The following ATP13A3 variants were observed in gnomAD, a reference collection of about 807,000 sequenced individuals.
ATP13A3 encodes the protein ATPase 13A3.
A neutral mutation model predicts 158.1 loss-of-function variants in ATP13A3; 59 were observed. The ratio of observed to expected loss-of-function variants is 0.37; its 90% CI spans 0.30 to 0.46. The LOEUF (loss-of-function observed/expected upper bound fraction) is 0.46, where lower values mean the gene tolerates loss of function less well. Among genes scored for constraint, ATP13A3 ranks in the 20% least tolerant of loss-of-function variants. The pLI, the probability that ATP13A3 is intolerant of heterozygous loss-of-function variation, is 1.00. For synonymous variants in ATP13A3, 491 were observed against 504.3 expected (o/e 0.97, Z 0.35); for missense variants, 1,166 against 1,525.2 (o/e 0.76, Z 3.92).
At chr3:194,472,360 ACTT>A (rs1720344118) in intron 2 of ATP13A3, among the ~76,000 whole-genome samples, 2 of 152,330 alleles carry the variant, frequency 1.3e-5, no homozygotes, top group Admixed American at 6.5e-5. Flanking sequence ...GCTGGTCTCA[ACTT>A]CTTCTCCACT....
chr3:194,429,436 T>C (rs1008589355), intron 27 of ATP13A3, among the ~76,000 whole-genome samples: 11 of 152,192 alleles, frequency 7.2e-5, no homozygotes, highest in African/African-American at 2.7e-4. Flanking sequence ...GCCATCGCTG[T>C]TTATACTTTT....
upstream of ATP13A3, chr3:194,487,378 A>G (rs1232249451): frequency 6.6e-6 from 1 of 152,378 alleles, no homozygotes; most frequent in Non-Finnish European, 1.5e-5. Flanking sequence ...AGTCATGGTC[A>G]TGGAGGAAGC....
chr3:194,474,460 G>A (rs60310393), intron 2 of ATP13A3, among the ~76,000 whole-genome samples: 1 of 152,210 alleles, frequency 6.6e-6, no homozygotes, highest in South Asian at 2.1e-4. Flanking sequence ...AAAAGAAATC[G>A]TGTGGCATGG....
chr3:194,476,768 T>TTTTG (rs1028380884), intron 2 of ATP13A3, among the ~76,000 whole-genome samples: 7 of 143,854 alleles, frequency 4.9e-5, no homozygotes, highest in African/African-American at 2.0e-4. Context: ...AAGTTGTTGT[T>TTTTG]TTTTTTTTTT....
chr3:194,410,296 CAAAAAAAAAAAAAAAAA>C (rs772008929), intron 33 of ATP13A3, among the ~76,000 whole-genome samples: 723 of 21,838 alleles, frequency 0.033, 19 homozygotes, highest in African/African-American at 0.13. Context: ...CTCCTCTCTG[CAAAAAAAAAAAAAAAAA>C]AAAAAAAAAA....
At chr3:194,477,656 A>T (rs1022607150) in intron 2 of ATP13A3, among the ~76,000 whole-genome samples, 5 of 152,242 alleles carry the variant, frequency 3.3e-5, no homozygotes, top group Non-Finnish European at 5.9e-5. Flanking sequence ...TTAACCTAAG[A>T]TGAATCACTA....
chr3:194,426,730 G>A (rs1356254251), intron 29 of ATP13A3, among the ~76,000 whole-genome samples: 1 of 152,080 alleles, frequency 6.6e-6, no homozygotes, highest in Non-Finnish European at 1.5e-5. Context: ...ACAATCTCTT[G>A]GCTCACTGCA....
At chr3:194,475,142 AG>A (rs1264477816) in intron 2 of ATP13A3, among the ~76,000 whole-genome samples, 1 of 152,236 alleles carries the variant, frequency 6.6e-6, no homozygotes, top group Non-Finnish European at 1.5e-5. Context: ...AATTTTCCAG[AG>A]GTTATACCTC....
intron 33 of ATP13A3, among the ~76,000 whole-genome samples, chr3:194,410,833 A>G (rs898801429): frequency 9.9e-5 from 15 of 150,946 alleles, no homozygotes; most frequent in African/African-American, 3.4e-4. Context: ...GGAATACAAT[A>G]CGAATATTTC....
Position 194,406,052 on chromosome 3 carries a change from G to A in ATP13A3, c.3638C>T (p.Pro1213Leu). The A allele has an allele frequency of 1.2e-6, 2 of 1,614,170 alleles. No homozygotes were observed. The highest frequency in any genetic ancestry group is 1.7e-6 in the Non-Finnish European group (2 of 1,180,046). ...CGCCAGATACATGTACTTTGCCTTT[G>A]GTGTCTTCTTTCTACAGCCCAGGGC... ...PWALGCRKKTPKAKYMYLAQE... is the reference protein window; with the variant it reads ...PWALGCRKKTLKAKYMYLAQE... The change falls in exon 34 of 34, where the codon CCA (proline) becomes CTA (leucine). Residue 1213 changes from proline (P) to leucine (L), a missense_variant. Around this residue, in one of 3 missense-constraint regions of ATP13A3, gnomAD observed 997 missense variants for 1,341.2 expected, o/e 0.74. Coordinates refer to ENST00000645319, the MANE Select transcript of ATP13A3 (RefSeq NM_001367549.1).
At position 194,479,958 on chromosome 3, in the gene ATP13A3, C is replaced by A. The variant is rs1720683929; in HGVS notation, c.-47+5836G>T. ...ACATCTTGAGCTTTTGAGGATGTTGCTACTAAAGATACAAAATCATAGATT... is the reference window on the plus strand; with the variant it reads ...ACATCTTGAGCTTTTGAGGATGTTGATACTAAAGATACAAAATCATAGATT... On this transcript the variant is annotated intron_variant, in intron 2 of 33. Coordinates refer to ENST00000645319, the MANE Select transcript of ATP13A3 (RefSeq NM_001367549.1). Among the ~76,000 whole-genome samples the A allele has an allele frequency of 2.0e-5, 3 of 152,032 alleles. No homozygotes were observed. In the South Asian group the frequency reaches 6.2e-4, roughly 32 times the overall value.
chr3:194,425,873 G>A (rs1716732877), intron 29 of ATP13A3, among the ~76,000 whole-genome samples: 2 of 152,148 alleles, frequency 1.3e-5, no homozygotes, highest in Non-Finnish European at 2.9e-5. Flanking sequence ...TGCTAACTGA[G>A]GAAATATTAT....
intron 20 of ATP13A3, among the ~76,000 whole-genome samples, chr3:194,434,754 A>G (rs1363530774): frequency 2.6e-5 from 4 of 152,092 alleles, no homozygotes; most frequent in Non-Finnish European, 5.9e-5. Context: ...CCGTCTCTAC[A>G]AAAAATGAAA....
At chr3:194,437,601 T>C (rs775409678) in intron 17 of ATP13A3, 28 bp from the exon 18 acceptor site, 2 of 1,577,420 alleles carry the variant, frequency 1.3e-6, no homozygotes, top group African/African-American at 2.7e-5. Flanking sequence ...CAAGAAAAAA[T>C]AGTACAGATT....
At chr3:194,433,379 G>GGT (rs1223372458) in intron 21 of ATP13A3, among the ~76,000 whole-genome samples, 10 of 151,920 alleles carry the variant, frequency 6.6e-5, no homozygotes, top group African/African-American at 2.2e-4. Context: ...GAGTAGCTGG[G>GGT]ACTACAGGCA....
chr3:194,417,308 G>A (rs750441137), intron 31 of ATP13A3, among the ~76,000 whole-genome samples: 13 of 151,650 alleles, frequency 8.6e-5, no homozygotes, highest in African/African-American at 2.2e-4. Flanking sequence ...CCAGCTACTC[G>A]TGAGGCCGAG....
At chr3:194,480,440 A>T (rs960864810) in intron 2 of ATP13A3, among the ~76,000 whole-genome samples, 4 of 152,190 alleles carry the variant, frequency 2.6e-5, no homozygotes, top group Non-Finnish European at 5.9e-5. Context: ...AATTTCATGG[A>T]ATCCATTAAT....
rs1369667674 is a variant in ATP13A3 at position 194,448,129 on chromosome 3, G to A, written c.1151-120C>T. Reference sequence around the variant, plus strand: ...GTCTCGCTCTGTCACCCAGGCTGGAGTACAGTGGTGTGATCTCGACTCACT... The same window carrying A: ...GTCTCGCTCTGTCACCCAGGCTGGAATACAGTGGTGTGATCTCGACTCACT... On this transcript the variant is annotated intron_variant, in intron 12 of 33. Transcript: ENST00000645319. The surrounding 1 kb of genome is among the most constrained non-coding windows in gnomAD (Gnocchi z 4.0). The A allele has an allele frequency of 7.1e-6, 7 of 979,936 alleles. No homozygotes were observed. The East Asian group carries it at 1.6e-4, about 22-fold the overall frequency. 60.7% of individuals were successfully genotyped at this position (979,936 alleles called of 1,614,324 possible).
intron 8 of ATP13A3, among the ~76,000 whole-genome samples, chr3:194,455,545 T>C (rs1023430444): frequency 9.9e-5 from 15 of 152,188 alleles, no homozygotes; most frequent in Non-Finnish European, 1.6e-4. Flanking sequence ...CAACATTACA[T>C]GGCCACTCCC....
Sources: allele counts gnomAD v4.1 joint callset (sites outside exome capture counted in the v4.1 genomes callset), GRCh38; gene constraint gnomAD v4.1.1; regional missense constraint gnomAD v4.1.1; non-coding constraint Gnocchi (gnomAD v3.1); transcripts MANE v1.5; gene names NCBI Gene and HGNC (gene_info 2026-07-23, HGNC 2026-07-21).